SDK2: variants seen among roughly 807,000 people sequenced by gnomAD.
The protein encoded by SDK2 is protein sidekick-2.
In SDK2, 105 loss-of-function variants were observed where a neutral mutation model predicts 253.9. That is an observed-to-expected ratio of 0.41 (90% CI 0.35 to 0.49). The LOEUF is 0.49. Ranked by LOEUF, SDK2 falls within the 20% of genes least tolerant of loss-of-function variation. The probability of loss-of-function intolerance (pLI) is 0.06; values close to 1 mark genes in which losing one functional copy is unlikely to be tolerated. For synonymous variants in SDK2, 1,249 were observed against 1,234.9 expected, an observed-to-expected ratio of 1.01 and a Z score of -0.24; for missense variants, 2,608 against 3,003.0, an observed-to-expected ratio of 0.87 and a Z score of 3.07.
In SDK2 at chr17:73,457,614, G is replaced by T. The variant is rs184708613; in HGVS notation, c.332-1561C>A. Among the ~76,000 whole-genome samples, 25 of 151,884 alleles carry T rather than the reference G, an allele frequency of 1.6e-4. No homozygotes were observed. The East Asian group carries it at 4.3e-3, about 26-fold the overall frequency. ...GATCCGCCCGCCTCGGCCTCCCAAA[G>T]TGTTGGGATTACAGGTCTGAGCCAC... is the stretch of plus-strand genomic sequence containing the variant. On this transcript the variant is annotated intron_variant, in intron 3 of 44. Transcript: ENST00000392650.
chr17:73,497,260 A>T lies in SDK2; in HGVS notation c.224+10178T>A, dbSNP rs181717598. ...AGTTGGTCCTTCCTAAACCAAGAAC[A>T]CACCCTCTTTCCTCCCAAGACACTG... is the stretch of plus-strand genomic sequence containing the variant. On this transcript the variant is annotated intron_variant, in intron 2 of 44. Coordinates refer to ENST00000392650, the MANE Select transcript of SDK2 (RefSeq NM_001144952.2). Among the ~76,000 whole-genome samples, 31 of 152,122 alleles carry T rather than the reference A, an allele frequency of 2.0e-4. No individual in the cohort carries two copies. The East Asian group carries it at 6.0e-3, about 29-fold the overall frequency.
In SDK2 at chr17:73,335,608, G is replaced by T. The variant is rs1310694877; in HGVS notation, c.*2979C>A. The T allele has an allele frequency of 1.3e-5, 2 of 152,248 alleles. No homozygotes were observed. Among genetic ancestry groups the T allele is most frequent in the African/African-American group, 4.8e-5 (2 of 41,448 alleles). 9.4% of individuals were successfully genotyped at this position (152,248 alleles called of 1,614,324 possible). On this transcript the variant is annotated 3_prime_UTR_variant, in exon 45 of 45. Coordinates refer to ENST00000392650, the MANE Select transcript of SDK2 (RefSeq NM_001144952.2). ...CAGGCCTGGGCTTCCAGCTGTGGCT[G>T]GGGCTGTGGAGACAATATTCCAGAT... is the stretch of plus-strand genomic sequence containing the variant.
intron 1 of SDK2, among the ~76,000 whole-genome samples, chr17:73,569,563 G>C (rs1188607031): frequency 6.6e-6 from 1 of 151,622 alleles, no homozygotes; most frequent in Non-Finnish European, 1.5e-5. Context: ...GTGAGGGATG[G>C]GGGTGGGGAT....
chr17:73,394,408 G>A, intron 25 of SDK2, 84 bp from the exon 26 acceptor site: 2 of 785,732 alleles, frequency 2.5e-6, no homozygotes, highest in Non-Finnish European at 3.6e-6. Flanking sequence ...AGGGGGCCGA[G>A]GGAGGGGCCA....
chr17:73,546,151 C>A (rs2044961152), intron 1 of SDK2, among the ~76,000 whole-genome samples: 1 of 152,116 alleles, frequency 6.6e-6, no homozygotes. Context: ...AAGCCTGGAC[C>A]CACCCCAGCT....
At chr17:73,412,534 T>A (rs1036032023) in intron 18 of SDK2, among the ~76,000 whole-genome samples, 2 of 152,134 alleles carry the variant, frequency 1.3e-5, no homozygotes, top group Non-Finnish European at 2.9e-5. Context: ...AGAATGTGAC[T>A]GTATTTGGAG....
In SDK2 at chr17:73,643,194, C is replaced by T. The variant is rs928713837; in HGVS notation, c.64+831G>A. 3 of 152,414 alleles carry T rather than the reference C, an allele frequency of 2.0e-5. No individual in the cohort carries two copies. Among genetic ancestry groups the T allele is most frequent in the Non-Finnish European group, 2.9e-5 (2 of 68,200 alleles). 9.4% of individuals were successfully genotyped at this position (152,414 alleles called of 1,614,324 possible). ...CAGGAAGCGGGCAGCGCAGATCACA[C>T]CTCGGATCCTTCGTAGCACTCCCAA... On this transcript the variant is annotated intron_variant, in intron 1 of 44. Transcript: ENST00000392650. This position sits in a 1 kb window ranked among gnomAD's most constrained non-coding sequence, Gnocchi z 6.9.
chr17:73,566,101 G>A (rs2045307812), intron 1 of SDK2, among the ~76,000 whole-genome samples: 1 of 152,278 alleles, frequency 6.6e-6, no homozygotes, highest in East Asian at 1.9e-4. Context: ...GATTACAGGC[G>A]TGAGGCACTG....
rs1457959939 is a variant in SDK2 at position 73,386,493 on chromosome 17, C to T, written c.4450G>A (p.Asp1484Asn). 4.5e-6 allele frequency: 7 copies of T among 1,562,442 alleles called. No individual in the cohort carries two copies. The highest frequency in any genetic ancestry group is 2.7e-5 in the African/African-American group (2 of 73,430). Residue 1484 changes from aspartate (D) to asparagine (N), a missense_variant, in exon 31 of 45, where the codon GAC (aspartate) becomes AAC (asparagine). By Grantham distance (23) the Asp-to-Asn change is conservative. This residue lies in a region of SDK2 where 1,103 missense variants were observed against 1,143.9 expected (regional missense o/e 0.96). Transcript: ENST00000392650. ...FRVKATNDIG[D>N]SEFSEESESL... ...TCCGACTCCTCGCTGAACTCGCTGT[C>T]GCCAATGTCATTGGTCGCCTTCACT...
In SDK2 at chr17:73,433,841, G is replaced by C; in HGVS notation, c.1203C>G (p.Ala401=). Residue 401 remains alanine (A), a synonymous_variant, in exon 10 of 45, where the codon GCC becomes GCG. Coordinates refer to ENST00000392650, the MANE Select transcript of SDK2 (RefSeq NM_001144952.2). ...CCAGGGGGCCTCTGGTGATGTTAGG[G>C]GCGATGCCTGCAAACAGAGAAGTGG... ...TSTYLAVTSI[A]PNITRGPLDS... The C allele has an allele frequency of 6.5e-7, 1 of 1,545,304 alleles. No homozygotes were observed. Among genetic ancestry groups the C allele is most frequent in the Non-Finnish European group, 8.7e-7 (1 of 1,146,532 alleles).
intron 2 of SDK2, among the ~76,000 whole-genome samples, chr17:73,498,012 C>G (rs1325933842): frequency 6.6e-6 from 1 of 152,166 alleles, no homozygotes; most frequent in Non-Finnish European, 1.5e-5. Flanking sequence ...TCCCAACTTC[C>G]CCAGTGGAAT....
Position 73,384,030 on chromosome 17 carries a change from G to C in SDK2, c.4570-19C>G. 6.2e-7 allele frequency: 1 copy of C among 1,610,838 alleles called. No homozygotes were observed. ...CTGGCGGCTGCAGGAAGGGAGTAGG[G>C]CATGGGGAGGGCACCTGGACCACCA... On this transcript the variant is annotated intron_variant, in intron 32 of 44. Transcript: ENST00000392650.
At chr17:73,358,796 G>A (rs1568364761) in intron 39 of SDK2, among the ~76,000 whole-genome samples, 5 of 152,110 alleles carry the variant, frequency 3.3e-5, no homozygotes. Flanking sequence ...AAGGGGAGAG[G>A]GGGTTTATGC....
intron 1 of SDK2, among the ~76,000 whole-genome samples, chr17:73,575,109 C>T (rs1567851587): frequency 6.6e-6 from 1 of 152,220 alleles, no homozygotes; most frequent in East Asian, 1.9e-4. Flanking sequence ...ATGGGCATAT[C>T]CCCTGGGAAT....
chr17:73,490,546 T>G (rs975368753), intron 2 of SDK2, among the ~76,000 whole-genome samples: 1 of 118,158 alleles, frequency 8.5e-6, no homozygotes, highest in African/African-American at 3.3e-5. Flanking sequence ...TTTTTTGAGA[T>G]GGGTTTTTTT....
rs1567815274 is a variant in SDK2 at position 73,511,885 on chromosome 17, CTATGTGTGCACGTGTT to C, written c.65-4304_65-4289del. ...GGGATAACAGAACGTGTGGACGTGT[CTATGTGTGCACGTGTT>C]TATGTGTGCAGGTGTGTGTGTGTGC... On this transcript the variant is annotated intron_variant, in intron 1 of 44. Transcript: ENST00000392650. The surrounding 1 kb of genome is among the most constrained non-coding windows in gnomAD (Gnocchi z 4.9). Among the ~76,000 whole-genome samples, 1 of 152,044 alleles carries C rather than the reference CTATGTGTGCACGTGTT, an allele frequency of 6.6e-6. No individual in the cohort carries two copies. Among genetic ancestry groups the C allele is most frequent in the African/African-American group, 2.4e-5 (1 of 41,376 alleles).
At chr17:73,442,582 C>T (rs1448327149) in intron 5 of SDK2, among the ~76,000 whole-genome samples, 1 of 152,108 alleles carries the variant, frequency 6.6e-6, no homozygotes, top group East Asian at 1.9e-4. Context: ...CTCAGATGAT[C>T]CACCCGCCTC....
chr17:73,559,883 C>A (rs1301007490), intron 1 of SDK2, among the ~76,000 whole-genome samples: 1 of 152,236 alleles, frequency 6.6e-6, no homozygotes. Context: ...CTGATCCCCC[C>A]AGGGCTGGGC....
rs1174762590 is a variant in SDK2, at chr17:73,338,383, C to G, written c.*204G>C. 1.4e-6 allele frequency: 1 copy of G among 690,980 alleles called. No homozygotes were observed. Among genetic ancestry groups the G allele is most frequent in the Non-Finnish European group, 2.6e-6 (1 of 377,762 alleles). The allele number at this position is 690,980 out of a possible 1,614,324, so 42.8% of individuals were successfully genotyped here. The stretch of plus-strand genomic sequence containing the variant: ...ACCCCACCATCTCAAAGCTGAAGAG[C>G]TGCTGGCCACACACATCCTCTCACG... On this transcript the variant is annotated 3_prime_UTR_variant, in exon 45 of 45. Transcript: ENST00000392650. The surrounding 1 kb of genome is among the most constrained non-coding windows in gnomAD (Gnocchi z 5.0).
Sources: gnomAD v4.1 joint callset for allele counts (sites outside exome capture counted in the v4.1 genomes callset) on GRCh38, gnomAD v4.1.1 for gene constraint, gnomAD v4.1.1 regional missense constraint, Gnocchi (gnomAD v3.1) non-coding constraint, MANE v1.5 for transcripts, NCBI Gene and HGNC (gene_info 2026-07-23, HGNC 2026-07-21) for gene names.